PPL: variants seen among roughly 807,000 people sequenced by gnomAD.
The protein encoded by PPL is periplakin.
Under a neutral mutation model 194.4 loss-of-function variants are expected in PPL, and 198 were observed. The ratio of observed to expected loss-of-function variants is 1.02; its 90% confidence interval spans 0.91 to 1.15. PPL has a LOEUF of 1.15. Ranked by LOEUF, PPL falls within the 50% of genes most tolerant of loss-of-function variation. The pLI is 0.00. For missense variants in PPL, 2,885 were observed against 2,294.8 expected, an observed-to-expected ratio of 1.26 and a Z score of -5.25; for synonymous variants, 1,220 against 972.4, an observed-to-expected ratio of 1.25 and a Z score of -4.74.
At chr16:4,895,100 T>C (rs2088397225) in intron 11 of PPL, among the ~76,000 whole-genome samples, 161 bp downstream of exon 11, 1 of 152,068 alleles carries the variant, frequency 6.6e-6, no homozygotes, top group African/African-American at 2.4e-5. Context: ...GGGGGCGGCA[T>C]AGGGGTGCCA....
intron 1 of PPL, among the ~76,000 whole-genome samples, chr16:4,915,268 G>A (rs550960831): frequency 2.0e-5 from 3 of 152,352 alleles, no homozygotes; most frequent in African/African-American, 4.8e-5. Flanking sequence ...AGCTGTGAGC[G>A]GTAGCAGGAA....
intron 21 of PPL, 129 bp downstream of exon 21, chr16:4,887,006 T>A: frequency 1.3e-6 from 1 of 772,562 alleles, no homozygotes; most frequent in Non-Finnish European, 2.2e-6. Flanking sequence ...AGTCTTTGCA[T>A]TGGCCCTGCC....
intron 1 of PPL, among the ~76,000 whole-genome samples, chr16:4,913,159 C>T (rs1295074679): frequency 1.3e-5 from 2 of 152,064 alleles, no homozygotes; most frequent in Admixed American, 1.3e-4. Flanking sequence ...GGCCCTCTCC[C>T]TCACTGTCTC....
At chr16:4,903,313 G>A (rs957745864) in intron 3 of PPL, among the ~76,000 whole-genome samples, 13 of 152,260 alleles carry the variant, frequency 8.5e-5, no homozygotes, top group African/African-American at 2.9e-4. Flanking sequence ...GGAAGAGCTC[G>A]CTCAAAAGCT....
intron 6 of PPL, among the ~76,000 whole-genome samples, 177 bp downstream of exon 6, chr16:4,900,653 G>A (rs991389115): frequency 2.0e-5 from 3 of 151,820 alleles, no homozygotes; most frequent in Non-Finnish European, 4.4e-5. Context: ...GCCCAGGTTG[G>A]TCTCAAACTC....
chr16:4,888,263 A>G, intron 19 of PPL, 45 bp from the exon 20 acceptor site: 1 of 1,373,824 alleles, frequency 7.3e-7, no homozygotes, highest in African/African-American at 1.4e-5. Flanking sequence ...AAAACAGCTG[A>G]GAAGAGACAG....
At chr16:4,915,250 T>A (rs1596574352) in intron 1 of PPL, among the ~76,000 whole-genome samples, 1 of 152,216 alleles carries the variant, frequency 6.6e-6, no homozygotes, top group African/African-American at 2.4e-5. Flanking sequence ...GGACTCCTGA[T>A]GGGACAAAGC....
chr16:4,893,142 C>T, intron 14 of PPL, 71 bp downstream of exon 14: 1 of 1,433,054 alleles, frequency 7.0e-7, no homozygotes, highest in Non-Finnish European at 9.1e-7. Flanking sequence ...GGGAAAAGAC[C>T]TCAAATAGGG....
At chr16:4,927,532 G>A (rs1317140576) in intron 1 of PPL, among the ~76,000 whole-genome samples, 1 of 152,226 alleles carries the variant, frequency 6.6e-6, no homozygotes. Flanking sequence ...AGATGCCGAA[G>A]AATCCTAGAT....
At position 4,888,978 on chromosome 16, in the gene PPL, C is replaced by G; in HGVS notation, c.2397G>C (p.Lys799Asn). 1 of 1,613,184 alleles carries G rather than the reference C, an allele frequency of 6.2e-7. No homozygotes were observed. Among genetic ancestry groups the G allele is most frequent in the Non-Finnish European group, 8.5e-7 (1 of 1,179,818 alleles). The change falls in exon 19 of 22, where the codon AAG (lysine) becomes AAC (asparagine). Residue 799 changes from lysine (K) to asparagine (N), a missense_variant and splice_region_variant. Transcript: ENST00000345988. ...TTTGGGCGGAAGTTTCCCGGCTCAC[C>G]TTTACAGCTTGCTGGTACTGCTGGG... ...ANSQQYQQAVKDYELEAEKLR... is the reference protein window; with the variant it reads ...ANSQQYQQAVNDYELEAEKLR...
At chr16:4,932,997 C>T (rs1568069052) in intron 1 of PPL, among the ~76,000 whole-genome samples, 1 of 143,752 alleles carries the variant, frequency 7.0e-6, no homozygotes, top group Non-Finnish European at 1.5e-5. Flanking sequence ...ACACTGTGTT[C>T]TTGCTTTTTT....
intron 2 of PPL, among the ~76,000 whole-genome samples, chr16:4,906,889 G>C (rs1376421770): frequency 2.0e-5 from 3 of 152,204 alleles, no homozygotes; most frequent in Admixed American, 2.0e-4. Flanking sequence ...CCCAGGTGAA[G>C]TCTGCGAATG....
At position 4,921,235 on chromosome 16, in the gene PPL, T is replaced by C. The variant is rs190069013; in HGVS notation, c.63-10286A>G. On this transcript the variant is annotated intron_variant, in intron 1 of 21. Coordinates refer to ENST00000345988, the MANE Select transcript of PPL (RefSeq NM_002705.5). ...AAATGGAACCAGCAGGTCAGGAGGC[T>C]GCCCGGTTCCTCCTCGGAGTTCCAG... Among the ~76,000 whole-genome samples, 54 of 152,346 alleles carry C rather than the reference T, an allele frequency of 3.5e-4. No individual in the cohort carries two copies. The East Asian group carries it at 9.8e-3, about 28-fold the overall frequency.
chr16:4,892,435 C>T (rs1380071016), intron 14 of PPL, among the ~76,000 whole-genome samples: 3 of 152,236 alleles, frequency 2.0e-5, no homozygotes, highest in African/African-American at 7.2e-5. Context: ...ACTAGTGACA[C>T]CAGAAGCACC....
intron 17 of PPL, 109 bp downstream of exon 17, chr16:4,890,619 C>A (rs1042918525): frequency 4.4e-6 from 6 of 1,352,200 alleles, no homozygotes; most frequent in African/African-American, 4.4e-5. Flanking sequence ...GACGAACTCA[C>A]CAAAAAGAAA....
In PPL at chr16:4,884,335, C is replaced by G. The variant is rs774060430; in HGVS notation, c.4320G>C (p.Lys1440Asn). Reference sequence around the variant, plus strand: ...GCACCACCTTCTGCGTATGGGTTACCTTCTCACGGGCCTCAGCTTCTTCCT... The same window carrying G: ...GCACCACCTTCTGCGTATGGGTTACGTTCTCACGGGCCTCAGCTTCTTCCT... ...LEQEEAEARE[K>N]VTHTQKVVLQ... Residue 1440 changes from lysine to asparagine, a missense_variant, in exon 22 of 22, where the codon AAG becomes AAC. Physicochemically the swap from Lys to Asn is moderately conservative, Grantham distance 94. Transcript: ENST00000345988. This position sits in a 1 kb window ranked among gnomAD's most constrained non-coding sequence, Gnocchi z 5.7. 2.5e-6 allele frequency: 4 copies of G among 1,613,010 alleles called. No individual in the cohort carries two copies. Among genetic ancestry groups the G allele is most frequent in the Non-Finnish European group, 3.4e-6 (4 of 1,179,774 alleles).
At position 4,925,449 on chromosome 16, in the gene PPL, T is replaced by C. The variant is rs144953709; in HGVS notation, c.62+11535A>G. ...GCTCAGTCCTTTTGTGCATCACCCA[T>C]TGACGTCTCATAGCCCTAGGAAGTA... On this transcript the variant is annotated intron_variant, in intron 1 of 21. Transcript: ENST00000345988. 7.3e-3 allele frequency among the ~76,000 whole-genome samples: 1,108 copies of C among 152,322 alleles called. 11 individuals carry two copies. The highest frequency in any genetic ancestry group is 0.01 in the Middle Eastern group (3 of 294).
chr16:4,895,371 C>T lies in PPL; in HGVS notation c.1132G>A (p.Val378Met), dbSNP rs1198729193. 1.2e-6 allele frequency: 2 copies of T among 1,613,382 alleles called. No individual in the cohort carries two copies. Among genetic ancestry groups the T allele is most frequent in the Admixed American group, 3.3e-5 (2 of 59,988 alleles). ...EKVLDKYEDV[V>M]QGLQKRGQQV... is the part of the protein sequence containing the mutation. The stretch of plus-strand genomic sequence containing the variant: ...TGGCCTCGCTTCTGCAGCCCCTGCA[C>T]CACGTCCTCATACTTGTCCAGCACC... The change falls in exon 11 of 22, where the codon GTG (valine) becomes ATG (methionine). Residue 378 changes from valine to methionine, a missense_variant. Coordinates refer to ENST00000345988, the MANE Select transcript of PPL (RefSeq NM_002705.5).
chr16:4,928,546 T>C (rs1049878510), intron 1 of PPL, among the ~76,000 whole-genome samples: 1 of 152,224 alleles, frequency 6.6e-6, no homozygotes, highest in Non-Finnish European at 1.5e-5. Context: ...TGCAGAATTT[T>C]TTGCTGCCCC....
Sources: allele counts gnomAD v4.1 joint callset (sites outside exome capture counted in the v4.1 genomes callset), GRCh38; gene constraint gnomAD v4.1.1; non-coding constraint Gnocchi (gnomAD v3.1); transcripts MANE v1.5; gene names NCBI Gene and HGNC (gene_info 2026-07-23, HGNC 2026-07-21).